SPIRE1: variants seen among roughly 807,000 people sequenced by gnomAD.
SPIRE1 encodes protein spire homolog 1.
In SPIRE1, 40 loss-of-function variants were observed where a neutral mutation model predicts 94.1. The observed-to-expected ratio is 0.43, with a 90% CI of 0.33 to 0.55. SPIRE1 has a LOEUF of 0.55. Ranked by LOEUF, SPIRE1 falls within the 20% of genes least tolerant of loss-of-function variation. The probability of loss-of-function intolerance (pLI) is 0.06; values close to 1 mark genes in which losing one functional copy is unlikely to be tolerated. For synonymous variants in SPIRE1, 376 were observed against 371.7 expected (o/e 1.01, Z -0.13); for missense variants, 838 against 975.2 (o/e 0.86, Z 1.87).
Position 12,479,869 on chromosome 18 carries a change from C to T in SPIRE1, c.1234G>A (p.Val412Met), listed in dbSNP as rs781566607. 8 of 1,610,518 alleles carry T rather than the reference C, an allele frequency of 5.0e-6. No individual in the cohort carries two copies. Among genetic ancestry groups the T allele is most frequent in the South Asian group, 1.1e-5 (1 of 90,292 alleles). The change falls in exon 10 of 17, where the codon GTG (valine) becomes ATG (methionine). Residue 412 changes from valine (V) to methionine (M), a missense_variant and splice_region_variant. Transcript: ENST00000409402. Reference protein sequence around the residue: ...SMSYSFDLSDVTTPESTKNLV... With the variant: ...SMSYSFDLSDMTTPESTKNLV... Reference sequence around the variant, plus strand: ...TTCTTTGTAGATTCAGGGGTAGTCACATCTGGTAAAAAAGCAAAAGCTTAC... The same window carrying T: ...TTCTTTGTAGATTCAGGGGTAGTCATATCTGGTAAAAAAGCAAAAGCTTAC...
rs527883313 is a variant in SPIRE1 at position 12,485,279 on chromosome 18, G to T, written c.1231+680C>A. On this transcript the variant is annotated intron_variant, in intron 9 of 16. Coordinates refer to ENST00000409402, the MANE Select transcript of SPIRE1 (RefSeq NM_001128626.2). The stretch of plus-strand genomic sequence containing the variant: ...GCCACCACGCCTGGCTAATTTTTTT[G>T]TATTTTTAGTAGAGACGGGGTTTCA... 1.6e-4 allele frequency among the ~76,000 whole-genome samples: 25 copies of T among 151,958 alleles called. No homozygotes were observed. The South Asian group carries it at 5.2e-3, about 32-fold the overall frequency.
intron 16 of SPIRE1, 45 bp downstream of exon 16, chr18:12,452,210 C>T: frequency 1.9e-6 from 3 of 1,610,672 alleles, no homozygotes; most frequent in Non-Finnish European, 2.5e-6. Context: ...GAGTAGAACT[C>T]TTCTTCTGCA....
intron 2 of SPIRE1, among the ~76,000 whole-genome samples, chr18:12,604,663 T>G (rs919219114): frequency 1.3e-5 from 2 of 152,164 alleles, no homozygotes; most frequent in African/African-American, 2.4e-5. Context: ...AGACACTGTT[T>G]GTGAGCATTA....
chr18:12,508,509 T>C (rs535043315), intron 5 of SPIRE1, among the ~76,000 whole-genome samples: 1 of 152,322 alleles, frequency 6.6e-6, no homozygotes, highest in East Asian at 1.9e-4. Flanking sequence ...TCAGGAATGC[T>C]TTTGTCCCAA....
chr18:12,473,353 T>C (rs11664232), intron 10 of SPIRE1, among the ~76,000 whole-genome samples: 6,833 of 152,000 alleles, frequency 0.045, 172 homozygotes, highest in South Asian at 0.092. Context: ...AATATAACAA[T>C]GTTCACATAG....
chr18:12,518,497 C>CAAAAAA (rs200732278), intron 4 of SPIRE1, among the ~76,000 whole-genome samples: 2 of 147,272 alleles, frequency 1.4e-5, no homozygotes, highest in African/African-American at 2.5e-5. Flanking sequence ...GTCTCACACA[C>CAAAAAA]ACAAAAAAAA....
intron 13 of SPIRE1, 71 bp from the exon 14 acceptor site, chr18:12,453,209 A>T: frequency 9.8e-7 from 1 of 1,018,596 alleles, no homozygotes; most frequent in Non-Finnish European, 1.5e-6. Flanking sequence ...ATGTTTGAAT[A>T]TGCTTTACAT....
At chr18:12,513,758 G>A (rs919312715) in intron 4 of SPIRE1, among the ~76,000 whole-genome samples, 2 of 152,122 alleles carry the variant, frequency 1.3e-5, no homozygotes, top group Admixed American at 6.5e-5. Flanking sequence ...CCTGACCTCA[G>A]GTGATCCACC....
chr18:12,656,782 A>G, intron 1 of SPIRE1: 1 of 634,038 alleles, frequency 1.6e-6, no homozygotes, highest in Non-Finnish European at 2.0e-6. Context: ...AAAATTTTAC[A>G]TTAGACAATG....
intron 12 of SPIRE1, among the ~76,000 whole-genome samples, chr18:12,458,624 A>AAAAC (rs952026835): frequency 1.3e-5 from 2 of 152,116 alleles, no homozygotes; most frequent in Non-Finnish European, 2.9e-5. Flanking sequence ...AAAAAAAACA[A>AAAAC]AAACAAACAA....
intron 2 of SPIRE1, among the ~76,000 whole-genome samples, chr18:12,584,196 G>A (rs2036331707): frequency 1.3e-5 from 2 of 152,082 alleles, no homozygotes; most frequent in South Asian, 2.1e-4. Flanking sequence ...TTGGGAGGCC[G>A]AGGCAGACAG....
At chr18:12,511,012 T>A (rs1190126436) in intron 5 of SPIRE1, among the ~76,000 whole-genome samples, 1 of 152,184 alleles carries the variant, frequency 6.6e-6, no homozygotes, top group East Asian at 1.9e-4. Flanking sequence ...AACCACATTA[T>A]CTGTTTTACA....
At chr18:12,660,740 T>C (rs534483568), upstream of SPIRE1, among the ~76,000 whole-genome samples, 19 of 152,314 alleles carry the variant, frequency 1.2e-4, no homozygotes, top group South Asian at 3.9e-3. Context: ...AAGACAGTTA[T>C]ATCCAACAGA....
At chr18:12,628,926 T>A (rs751958507) in intron 2 of SPIRE1, among the ~76,000 whole-genome samples, 40 of 152,202 alleles carry the variant, frequency 2.6e-4, no homozygotes, top group Non-Finnish European at 5.4e-4. Flanking sequence ...ACAGAATAGG[T>A]ACTTATGCCC....
chr18:12,649,839 T>C (rs2038327418), intron 1 of SPIRE1, among the ~76,000 whole-genome samples: 1 of 152,198 alleles, frequency 6.6e-6, no homozygotes, highest in African/African-American at 2.4e-5. Flanking sequence ...GAAACACAGA[T>C]ACAAAACCAC....
At chr18:12,499,749 T>C (rs1225033881) in intron 6 of SPIRE1, among the ~76,000 whole-genome samples, 1 of 152,174 alleles carries the variant, frequency 6.6e-6, no homozygotes, top group Non-Finnish European at 1.5e-5. Context: ...AAATTGTATT[T>C]CAGCAAAATT....
chr18:12,575,331 G>A (rs1235630761), intron 2 of SPIRE1, among the ~76,000 whole-genome samples: 6 of 151,924 alleles, frequency 3.9e-5, no homozygotes, highest in East Asian at 3.9e-4. Flanking sequence ...AAAGCTAGTC[G>A]TTTCTCAAAA....
At chr18:12,467,315 T>C (rs1378035898) in intron 10 of SPIRE1, among the ~76,000 whole-genome samples, 4 of 152,102 alleles carry the variant, frequency 2.6e-5, no homozygotes, top group Non-Finnish European at 4.4e-5. Flanking sequence ...AAGGTTTAAA[T>C]AGTGACCTCC....
chr18:12,585,360 T>C (rs566861227), intron 2 of SPIRE1, among the ~76,000 whole-genome samples: 1 of 152,192 alleles, frequency 6.6e-6, no homozygotes, highest in South Asian at 2.1e-4. Flanking sequence ...AAGAAACATA[T>C]AGGTAGGATC....
Sources: gnomAD v4.1 joint callset for allele counts (sites outside exome capture counted in the v4.1 genomes callset) on GRCh38, gnomAD v4.1.1 for gene constraint, MANE v1.5 for transcripts, NCBI Gene and HGNC (gene_info 2026-07-23, HGNC 2026-07-21) for gene names.